The following B4GALNT3 variants were observed in gnomAD, a reference collection of about 807,000 sequenced individuals.
B4GALNT3 encodes beta-1,4-N-acetylgalactosaminyltransferase 3.
Under a neutral mutation model 120.2 loss-of-function variants are expected in B4GALNT3, and 86 were observed. The ratio of observed to expected loss-of-function variants is 0.72; its 90% CI spans 0.60 to 0.86. The LOEUF is 0.86. Ranked by LOEUF, B4GALNT3 falls within the 40% of genes least tolerant of loss-of-function variation. B4GALNT3 has a pLI of 0.00. For missense variants in B4GALNT3, 1,167 were observed against 1,298.9 expected (o/e 0.90, Z 1.56); for synonymous variants, 518 against 510.4 (o/e 1.01, Z -0.20).
intron 1 of B4GALNT3, among the ~76,000 whole-genome samples, chr12:527,922 GGT>G (rs375254687): frequency 6.0e-4 from 91 of 151,242 alleles, no homozygotes; most frequent in Middle Eastern, 3.4e-3. Context: ...ATGGTCTGGG[GGT>G]GTGTGTGTGT....
intron 1 of B4GALNT3, among the ~76,000 whole-genome samples, chr12:483,027 C>T (rs1946256649): frequency 6.6e-6 from 1 of 152,116 alleles, no homozygotes; most frequent in African/African-American, 2.4e-5. Flanking sequence ...TCCACTTCAG[C>T]CTCCTGAGTA....
chr12:538,560 CAAAAAAAAA>C (rs771053015), intron 3 of B4GALNT3, among the ~76,000 whole-genome samples: 1 of 64,042 alleles, frequency 1.6e-5, no homozygotes, highest in African/African-American at 5.3e-5. Flanking sequence ...AACCCCATCT[CAAAAAAAAA>C]AAAAAAAAAA....
chr12:531,789 G>A (rs1478266276), intron 1 of B4GALNT3, among the ~76,000 whole-genome samples: 1 of 152,034 alleles, frequency 6.6e-6, no homozygotes, highest in Non-Finnish European at 1.5e-5. Context: ...CATTTATTGG[G>A]TACTAAGACC....
intron 1 of B4GALNT3, among the ~76,000 whole-genome samples, chr12:533,998 C>T (rs1374727532): frequency 2.0e-5 from 3 of 152,200 alleles, no homozygotes; most frequent in Non-Finnish European, 4.4e-5. Flanking sequence ...TCCTCTGTGA[C>T]ACTTCTGCCT....
At chr12:549,736 C>T in intron 9 of B4GALNT3, 33 bp from the exon 10 acceptor site, 1 of 1,613,336 alleles carries the variant, frequency 6.2e-7, no homozygotes, top group Non-Finnish European at 8.5e-7. Flanking sequence ...CCAGGCCACA[C>T]AGCCTCCTGC....
chr12:541,851 A>G (rs61414747), intron 3 of B4GALNT3, among the ~76,000 whole-genome samples: 1 of 56,808 alleles, frequency 1.8e-5, no homozygotes, highest in Admixed American at 1.7e-4. Context: ...ACCCCCCCCC[A>G]CCCCCCCCCA....
chr12:552,811 C>T, intron 13 of B4GALNT3: 1 of 520,410 alleles, frequency 1.9e-6, no homozygotes, highest in Non-Finnish European at 3.4e-6. Flanking sequence ...GGCTTGCTGT[C>T]CCTGGCGCAC....
chr12:552,292 TACACAC>T (rs10604398), intron 12 of B4GALNT3, 129 bp downstream of exon 12: 45,319 of 618,892 alleles, frequency 0.073, 443 homozygotes, highest in Admixed American at 0.16. Context: ...TCCTGAGTAC[TACACAC>T]ACACACACAC....
At chr12:556,037 C>G (rs1947152478) in intron 14 of B4GALNT3, among the ~76,000 whole-genome samples, 1 of 152,092 alleles carries the variant, frequency 6.6e-6, no homozygotes, top group Admixed American at 6.6e-5. Flanking sequence ...CCTGCCTTGG[C>G]CTCCCAAAAT....
chr12:544,995 A>C (rs1203132553), intron 5 of B4GALNT3, 23 bp downstream of exon 5: 1 of 1,609,696 alleles, frequency 6.2e-7, no homozygotes, highest in Admixed American at 1.7e-5. Flanking sequence ...CCAAAACCCC[A>C]TCCTTCTTCC....
At chr12:545,493 C>T (rs956492368) in intron 6 of B4GALNT3, 24 bp downstream of exon 6, 1 of 1,568,586 alleles carries the variant, frequency 6.4e-7, no homozygotes, top group Non-Finnish European at 8.7e-7. Flanking sequence ...AACCCCGGTC[C>T]CTCCCATCTG....
intron 1 of B4GALNT3, among the ~76,000 whole-genome samples, chr12:472,593 A>G (rs1056096681): frequency 1.3e-5 from 2 of 152,210 alleles, no homozygotes; most frequent in Admixed American, 6.5e-5. Flanking sequence ...GCCCGCCACC[A>G]CGCCTGGCTA....
chr12:490,460 G>C (rs2120503602), intron 1 of B4GALNT3, among the ~76,000 whole-genome samples: 1 of 152,282 alleles, frequency 6.6e-6, no homozygotes, highest in South Asian at 2.1e-4. Context: ...TTATGGGCTG[G>C]GTATGGTGAC....
At chr12:471,370 G>A (rs1253529161) in intron 1 of B4GALNT3, among the ~76,000 whole-genome samples, 1 of 148,084 alleles carries the variant, frequency 6.8e-6, no homozygotes, top group East Asian at 2.0e-4. Flanking sequence ...GGGTGACAGA[G>A]TGAGACTCTG....
intron 1 of B4GALNT3, among the ~76,000 whole-genome samples, chr12:470,174 A>C (rs1184723279): frequency 2.0e-5 from 3 of 152,190 alleles, no homozygotes; most frequent in South Asian, 2.1e-4. Flanking sequence ...AATATCTTTG[A>C]CATCTGGCCC....
chr12:552,657 C>CT, intron 13 of B4GALNT3, 129 bp downstream of exon 13: 1 of 808,976 alleles, frequency 1.2e-6, no homozygotes, highest in Non-Finnish European at 2.0e-6. Context: ...TGACCTCTCC[C>CT]TTCACACCCA....
intron 3 of B4GALNT3, among the ~76,000 whole-genome samples, chr12:538,010 T>C (rs1946878436): frequency 6.6e-6 from 1 of 152,198 alleles, no homozygotes; most frequent in Non-Finnish European, 1.5e-5. Flanking sequence ...CACCAGGTAA[T>C]TATGCCCCGC....
rs145798250 is a variant in B4GALNT3, at chr12:535,179, G to C, written c.183G>C (p.Trp61Cys). ...GNPLNRRYGSWRELAKALASR... is the reference protein window; with the variant it reads ...GNPLNRRYGSCRELAKALASR... ...CCCCTTCCACAGGGTACGGCAGCTG[G>C]AGAGAACTGGCCAAGGCTCTGGCCA... is the stretch of plus-strand genomic sequence containing the variant. The change falls in exon 2 of 20, where the codon TGG (tryptophan) becomes TGC (cysteine). Residue 61 changes from tryptophan to cysteine, a missense_variant. Physicochemically the swap from Trp to Cys is radical, Grantham distance 215. Transcript: ENST00000266383. 1.1e-4 allele frequency: 178 copies of C among 1,613,032 alleles called. No homozygotes were observed. The highest frequency in any genetic ancestry group is 1.4e-4 in the Non-Finnish European group (164 of 1,179,580).
intron 1 of B4GALNT3, among the ~76,000 whole-genome samples, chr12:472,285 G>GT (rs532810398): frequency 2.0e-5 from 3 of 152,206 alleles, no homozygotes; most frequent in African/African-American, 4.8e-5. Context: ...ATTAACTGAT[G>GT]TTTTTTATTT....
Sources: allele counts gnomAD v4.1 joint callset (sites outside exome capture counted in the v4.1 genomes callset), GRCh38; gene constraint gnomAD v4.1.1; transcripts MANE v1.5; gene names NCBI Gene and HGNC (gene_info 2026-07-23, HGNC 2026-07-21).